The following PBX4 variants were observed in gnomAD, a reference collection of about 807,000 sequenced individuals.
PBX4 encodes pre-B-cell leukemia transcription factor 4.
Under a neutral mutation model 35.1 loss-of-function variants are expected in PBX4, and 26 were observed. The observed-to-expected ratio is 0.74, with a 90% CI of 0.54 to 1.03. The LOEUF (loss-of-function observed/expected upper bound fraction) is 1.03. PBX4 is among the 50% of genes least tolerant of loss of function. The pLI, the probability that PBX4 is intolerant of heterozygous loss-of-function variation, is 0.00. For missense variants in PBX4, 448 were observed against 504.3 expected (o/e 0.89, Z 1.07); for synonymous variants, 199 against 204.2 (o/e 0.97, Z 0.22).
At chr19:19,594,449 G>C (rs1295386738) in intron 2 of PBX4, among the ~76,000 whole-genome samples, 3 of 152,016 alleles carry the variant, frequency 2.0e-5, no homozygotes, top group Non-Finnish European at 4.4e-5. Flanking sequence ...AGGCAGATGG[G>C]GGTAGGGAGG....
At chr19:19,579,214 T>G (rs899427105) in intron 2 of PBX4, among the ~76,000 whole-genome samples, 13 of 152,022 alleles carry the variant, frequency 8.6e-5, no homozygotes, top group Non-Finnish European at 1.9e-4. Flanking sequence ...CCGGGCATGG[T>G]GGCGTGTGCC....
chr19:19,588,823 C>G (rs917412476), intron 2 of PBX4, among the ~76,000 whole-genome samples: 1 of 152,158 alleles, frequency 6.6e-6, no homozygotes, highest in African/African-American at 2.4e-5. Flanking sequence ...AAGAATTTCC[C>G]AAGGAACTGA....
rs971641133 is a variant in PBX4, at chr19:19,602,144, A to T, written c.120-2779T>A. On this transcript the variant is annotated intron_variant, in intron 1 of 7. Coordinates refer to ENST00000251203, the MANE Select transcript of PBX4 (RefSeq NM_025245.3). ...CAAGCAGAATAAGAACCCAGAAGAG[A>T]ATCTGAGGCTGGGCACGGTAGCTCA... Among the ~76,000 whole-genome samples, 6 of 152,098 alleles carry T rather than the reference A, an allele frequency of 3.9e-5. No homozygotes were observed. The South Asian group carries it at 1.2e-3, about 32-fold the overall frequency.
rs557227592 is a variant in PBX4 at position 19,617,926 on chromosome 19, G to A, written c.119+585C>T. Among the ~76,000 whole-genome samples the A allele has an allele frequency of 4.6e-5, 7 of 152,230 alleles. No individual in the cohort carries two copies. The South Asian group carries it at 1.5e-3, about 32-fold the overall frequency. On this transcript the variant is annotated intron_variant, in intron 1 of 7. Transcript: ENST00000251203. ...CGCGCCTGTAATCCCAGCACTTAGG[G>A]AGGCCGAGACGGAATGAGTGCTTGA...
intron 1 of PBX4, among the ~76,000 whole-genome samples, chr19:19,604,900 A>T (rs1314847912): frequency 6.6e-6 from 1 of 151,982 alleles, no homozygotes; most frequent in Non-Finnish European, 1.5e-5. Flanking sequence ...ATGCCCGGCC[A>T]TGTTAGTCTT....
chr19:19,575,320 T>C (rs545005590), intron 2 of PBX4, among the ~76,000 whole-genome samples: 123 of 151,690 alleles, frequency 8.1e-4, no homozygotes, highest in Non-Finnish European at 1.6e-3. Flanking sequence ...CCACTTGGAA[T>C]GATGCTCATG....
At chr19:19,570,486 C>T in intron 3 of PBX4, 100 bp downstream of exon 3, 1 of 1,540,858 alleles carries the variant, frequency 6.5e-7, no homozygotes, top group South Asian at 1.2e-5. Flanking sequence ...TGCATGGACT[C>T]CCTGTTCTGC....
chr19:19,580,468 G>T (rs1051039513), intron 2 of PBX4, among the ~76,000 whole-genome samples: 2 of 152,208 alleles, frequency 1.3e-5, no homozygotes, highest in Non-Finnish European at 2.9e-5. Context: ...AGTTCTGCCG[G>T]TGGGACCCAG....
In PBX4 at chr19:19,618,661, T is replaced by C; in HGVS notation, c.-32A>G. The C allele has an allele frequency of 8.4e-7, 1 of 1,196,814 alleles. No homozygotes were observed. The highest frequency in any genetic ancestry group is 1.0e-6 in the Non-Finnish European group (1 of 965,622). The allele number at this position is 1,196,814 out of a possible 1,614,324, so 74.1% of individuals were successfully genotyped here. On this transcript the variant is annotated 5_prime_UTR_variant, in exon 1 of 8. Transcript: ENST00000251203. ...CAGGGCCGGGCGGGCGCTGTGAGGG[T>C]GCCGTCGAGCCTGGAGCACTACCAC... is the stretch of plus-strand genomic sequence containing the variant.
intron 1 of PBX4, among the ~76,000 whole-genome samples, chr19:19,599,753 G>T (rs1234435680): frequency 6.6e-6 from 1 of 150,480 alleles, no homozygotes; most frequent in East Asian, 2.0e-4. Flanking sequence ...CAGGCGGATT[G>T]CCTGAGGTCA....
intron 2 of PBX4, among the ~76,000 whole-genome samples, chr19:19,593,320 C>A (rs1299919176): frequency 6.6e-6 from 1 of 152,198 alleles, no homozygotes; most frequent in African/African-American, 2.4e-5. Context: ...TCGAGAAGCA[C>A]GCCAGGACCC....
intron 2 of PBX4, among the ~76,000 whole-genome samples, chr19:19,577,348 C>T (rs1355057301): frequency 2.4e-4 from 37 of 152,144 alleles, no homozygotes; most frequent in Admixed American, 2.4e-3. Context: ...TCTCCAAATT[C>T]CCATTCTGTA....
chr19:19,616,722 C>T (rs2061690942), intron 1 of PBX4, among the ~76,000 whole-genome samples: 1 of 151,968 alleles, frequency 6.6e-6, no homozygotes, highest in African/African-American at 2.4e-5. Context: ...CTCGCTCTGT[C>T]GCCCAGGCTG....
intron 2 of PBX4, among the ~76,000 whole-genome samples, chr19:19,571,376 G>A (rs1404409584): frequency 2.6e-5 from 4 of 152,296 alleles, no homozygotes; most frequent in East Asian, 1.9e-4. Flanking sequence ...TAAAGAAAGT[G>A]CCAGAAAAGA....
At chr19:19,573,336 C>T (rs1351858245) in intron 2 of PBX4, among the ~76,000 whole-genome samples, 2 of 136,720 alleles carry the variant, frequency 1.5e-5, no homozygotes, top group Non-Finnish European at 3.1e-5. Flanking sequence ...AATATACACA[C>T]ACACACACAC....
chr19:19,596,096 CA>C (rs1451454644), intron 2 of PBX4, among the ~76,000 whole-genome samples: 2 of 151,596 alleles, frequency 1.3e-5, no homozygotes, highest in African/African-American at 4.9e-5. Context: ...GACCCTGTCT[CA>C]AAAATAAAAA....
At chr19:19,576,862 C>G (rs1464969894) in intron 2 of PBX4, among the ~76,000 whole-genome samples, 1 of 151,972 alleles carries the variant, frequency 6.6e-6, no homozygotes, top group Non-Finnish European at 1.5e-5. Context: ...GAGCCTCCAC[C>G]TTGGCCTCCC....
rs140818183 is a variant in PBX4 at position 19,610,805 on chromosome 19, C to G, written c.119+7706G>C. ...ACTCTTAGGAAAAGTACACCAAAGA[C>G]AGCAAGACTCCTCTGGCACTAGACC... On this transcript the variant is annotated intron_variant, in intron 1 of 7. Coordinates refer to ENST00000251203, the MANE Select transcript of PBX4 (RefSeq NM_025245.3). Among the ~76,000 whole-genome samples the G allele has an allele frequency of 1.1e-4, 16 of 152,276 alleles. No individual in the cohort carries two copies. In the East Asian group the frequency reaches 3.1e-3, roughly 29 times the overall value.
intron 1 of PBX4, among the ~76,000 whole-genome samples, chr19:19,604,825 C>T (rs979820489): frequency 6.6e-6 from 1 of 151,900 alleles, no homozygotes; most frequent in Admixed American, 6.6e-5. Flanking sequence ...TGGTCTCGAT[C>T]TCCTGACCTC....
Sources: gnomAD v4.1 joint callset for allele counts (sites outside exome capture counted in the v4.1 genomes callset) on GRCh38, gnomAD v4.1.1 for gene constraint, MANE v1.5 for transcripts, NCBI Gene and HGNC (gene_info 2026-07-23, HGNC 2026-07-21) for gene names.